The following CSMD1 variants were observed in gnomAD, a reference collection of about 807,000 sequenced individuals.
The protein encoded by CSMD1 is CUB and sushi domain-containing protein 1.
Under a neutral mutation model 417.5 loss-of-function variants are expected in CSMD1, and 213 were observed. The ratio of observed to expected loss-of-function variants is 0.51; its 90% CI spans 0.46 to 0.57. The LOEUF is 0.57. Among genes scored for constraint, CSMD1 ranks in the 20% least tolerant of loss-of-function variants. CSMD1 has a pLI of 0.00. For missense variants in CSMD1, 6,923 were observed against 4,529.7 expected (o/e 1.53, Z -15.17); for synonymous variants, 2,862 against 1,736.8 (o/e 1.65, Z -16.11).
intron 8 of CSMD1, among the ~76,000 whole-genome samples, chr8:3,603,734 T>C (rs1399568147): frequency 6.6e-6 from 1 of 152,202 alleles, no homozygotes; most frequent in East Asian, 1.9e-4. Context: ...AACCCCCTGA[T>C]ATATGGGCTT....
chr8:3,143,744 T>A (rs1240804320), intron 40 of CSMD1, among the ~76,000 whole-genome samples: 3 of 152,196 alleles, frequency 2.0e-5, no homozygotes, highest in Non-Finnish European at 4.4e-5. Flanking sequence ...TTTTGATAGA[T>A]GAGAACTTTA....
chr8:3,905,585 C>T (rs1265961299), intron 5 of CSMD1, among the ~76,000 whole-genome samples: 1 of 152,214 alleles, frequency 6.6e-6, no homozygotes, highest in Non-Finnish European at 1.5e-5. Context: ...GATGGCTGGA[C>T]CCCACACCCA....
chr8:4,083,999 A>C (rs1176767252), intron 3 of CSMD1, among the ~76,000 whole-genome samples: 1 of 152,214 alleles, frequency 6.6e-6, no homozygotes, highest in Non-Finnish European at 1.5e-5. Context: ...ATTTACAAGA[A>C]AAAAACAAAC....
At chr8:3,392,820 T>C (rs13253365) in intron 17 of CSMD1, among the ~76,000 whole-genome samples, 77,847 of 151,812 alleles carry the variant, frequency 0.51, 20,546 homozygotes, top group Middle Eastern at 0.6. Flanking sequence ...TCTGAGTGGG[T>C]TGCGAGCCTC....
intron 12 of CSMD1, among the ~76,000 whole-genome samples, chr8:3,439,180 A>C (rs972355409): frequency 7.0e-6 from 1 of 143,036 alleles, no homozygotes; most frequent in African/African-American, 2.6e-5. Context: ...AAAAGAAAAA[A>C]ATTGCCAAAC....
intron 27 of CSMD1, among the ~76,000 whole-genome samples, chr8:3,226,097 A>G (rs1288804127): frequency 6.6e-6 from 1 of 152,196 alleles, no homozygotes; most frequent in Admixed American, 6.5e-5. Flanking sequence ...TTGAATGTTC[A>G]CACCGTTGGG....
chr8:3,100,235 T>A (rs974542524), intron 46 of CSMD1, among the ~76,000 whole-genome samples: 4 of 152,110 alleles, frequency 2.6e-5, no homozygotes, highest in Non-Finnish European at 5.9e-5. Context: ...TATTTTTATT[T>A]TAGAAATGTT....
chr8:3,523,572 C>G (rs116111474), intron 10 of CSMD1, among the ~76,000 whole-genome samples: 1 of 152,048 alleles, frequency 6.6e-6, no homozygotes, highest in Non-Finnish European at 1.5e-5. Context: ...GATGCACACA[C>G]ACATGTACAC....
chr8:4,314,665 G>C (rs937605437), intron 3 of CSMD1, among the ~76,000 whole-genome samples: 1 of 152,094 alleles, frequency 6.6e-6, no homozygotes, highest in African/African-American at 2.4e-5. Context: ...CCATTTGTGA[G>C]TTAAGTGTTA....
At position 3,796,381 on chromosome 8, in the gene CSMD1, T is replaced by TAG. The variant is rs1563089597; in HGVS notation, c.819-42340_819-42339insCT. 3.5e-3 allele frequency among the ~76,000 whole-genome samples: 138 copies of TAG among 39,546 alleles called. 33 individuals are homozygous for TAG. Among genetic ancestry groups the TAG allele is most frequent in the African/African-American group, 8.7e-3 (133 of 15,372 alleles). The allele number at this position is 39,546 out of a possible 152,430, so 25.9% of individuals were successfully genotyped here. ...TAGATATAGATATCTATCATGTATA[T>TAG]ATATATCTATCATGTATAGATATAG... On this transcript the variant is annotated intron_variant, in intron 5 of 69. Coordinates refer to ENST00000635120, the MANE Select transcript of CSMD1 (RefSeq NM_033225.6).
intron 3 of CSMD1, among the ~76,000 whole-genome samples, chr8:4,183,913 A>G (rs938478112): frequency 2.8e-4 from 42 of 152,134 alleles, no homozygotes; most frequent in South Asian, 4.1e-4. Flanking sequence ...AGCTTGGGGC[A>G]GCTACCACAT....
chr8:4,734,963 G>C (rs1017764831), intron 1 of CSMD1, among the ~76,000 whole-genome samples: 2 of 152,164 alleles, frequency 1.3e-5, no homozygotes, highest in South Asian at 2.1e-4. Context: ...GGGATTCTGG[G>C]AAAGTTTCCA....
At chr8:4,089,166 A>G (rs1029193450) in intron 3 of CSMD1, among the ~76,000 whole-genome samples, 15 of 151,680 alleles carry the variant, frequency 9.9e-5, no homozygotes, top group Admixed American at 2.6e-4. Context: ...GACATTCCCC[A>G]CTCTTTATGG....
At chr8:4,840,622 T>A (rs540529249) in intron 1 of CSMD1, among the ~76,000 whole-genome samples, 1 of 152,300 alleles carries the variant, frequency 6.6e-6, no homozygotes, top group East Asian at 1.9e-4. Flanking sequence ...AGAATTACAT[T>A]ACCGAATGAG....
At chr8:3,857,861 T>C (rs1219438028) in intron 5 of CSMD1, among the ~76,000 whole-genome samples, 2 of 152,100 alleles carry the variant, frequency 1.3e-5, no homozygotes, top group African/African-American at 4.8e-5. Context: ...CTTTGCTGAG[T>C]GAGAGATTAC....
intron 40 of CSMD1, among the ~76,000 whole-genome samples, chr8:3,145,627 G>T (rs943951820): frequency 6.6e-6 from 1 of 152,110 alleles, no homozygotes; most frequent in Non-Finnish European, 1.5e-5. Flanking sequence ...TCAGAAAATA[G>T]AACAGAGCCC....
intron 25 of CSMD1, among the ~76,000 whole-genome samples, chr8:3,290,619 C>G (rs1231532740): frequency 6.8e-6 from 1 of 146,990 alleles, no homozygotes; most frequent in Non-Finnish European, 1.5e-5. Context: ...TGATTTGGCT[C>G]TCTGTTTGTC....
intron 5 of CSMD1, among the ~76,000 whole-genome samples, chr8:3,817,813 G>T (rs1183346599): frequency 1.3e-5 from 2 of 152,032 alleles, no homozygotes; most frequent in Non-Finnish European, 2.9e-5. Flanking sequence ...ATAAGCACGT[G>T]CATCTGGCCA....
rs564796102 is a variant in CSMD1, at chr8:4,198,919, G to A, written c.416-166820C>T. ...CTATTTTTACTTTCCTTCCACGCAG[G>A]TTTTTTTTGTATTTCCGTGTGTGTA... is the stretch of plus-strand genomic sequence containing the variant. On this transcript the variant is annotated intron_variant, in intron 3 of 69. Coordinates refer to ENST00000635120, the MANE Select transcript of CSMD1 (RefSeq NM_033225.6). 4.0e-5 allele frequency among the ~76,000 whole-genome samples: 6 copies of A among 150,276 alleles called. No individual in the cohort carries two copies. In the East Asian group the frequency reaches 5.9e-4, roughly 15 times the overall value.
Sources: allele counts gnomAD v4.1 joint callset (sites outside exome capture counted in the v4.1 genomes callset), GRCh38; gene constraint gnomAD v4.1.1; transcripts MANE v1.5; gene names NCBI Gene and HGNC (gene_info 2026-07-23, HGNC 2026-07-21).